Variants in PRDM15 observed in about 807,000 individuals in gnomAD.
PRDM15 encodes PR/SET domain 15.
In PRDM15, 64 loss-of-function variants were observed where a neutral mutation model predicts 128.6. The observed-to-expected ratio is 0.50, with a 90% CI of 0.41 to 0.61. PRDM15 has a LOEUF of 0.61. Among genes scored for constraint, PRDM15 ranks in the 20% least tolerant of loss-of-function variants. PRDM15 has a pLI of 0.00. For synonymous variants in PRDM15, 615 were observed against 621.8 expected (o/e 0.99, Z 0.16); for missense variants, 1,242 against 1,569.1 (o/e 0.79, Z 3.52).
chr21:41,829,843 C>A (rs976243278), intron 11 of PRDM15, among the ~76,000 whole-genome samples: 16 of 151,488 alleles, frequency 1.1e-4, no homozygotes, highest in African/African-American at 3.6e-4. Context: ...ATTCAACACA[C>A]ACCATATACA....
chr21:41,801,621 C>T lies in PRDM15; in HGVS notation c.3045G>A (p.Gln1015=). 1 of 1,614,134 alleles carries T rather than the reference C, an allele frequency of 6.2e-7. No homozygotes were observed. The highest frequency in any genetic ancestry group is 8.5e-7 in the Non-Finnish European group (1 of 1,180,030). The part of the protein sequence containing the change: ...VTPITTAAAT[Q]FTNLQPVAVG... ...CGGCCACCGGCTGGAGATTGGTAAACTGAGTCGCGGCCGCAGTGGTGATGG... is the reference window on the plus strand; with the variant it reads ...CGGCCACCGGCTGGAGATTGGTAAATTGAGTCGCGGCCGCAGTGGTGATGG... Residue 1015 remains glutamine, a synonymous_variant, in exon 24 of 24, where the codon CAG becomes CAA. Transcript: ENST00000398548.
chr21:41,814,925 C>A (rs117185789), intron 19 of PRDM15: 5,042 of 144,598 alleles, frequency 0.035, 55 homozygotes, highest in South Asian at 0.042. Flanking sequence ...AAGATCTTGG[C>A]CTTGTGTTAG....
rs1359897810 is a variant in PRDM15, at chr21:41,821,919, C to G, written c.1880G>C (p.Ser627Thr). The change falls in exon 15 of 24, where the codon AGC (serine) becomes ACC (threonine). Residue 627 changes from serine (S) to threonine (T), a missense_variant. By Grantham distance (58) the Ser-to-Thr change is moderately conservative. Coordinates refer to ENST00000398548, the MANE Select transcript of PRDM15 (RefSeq NM_001040424.3). This position sits in a 1 kb window ranked among gnomAD's most constrained non-coding sequence, Gnocchi z 5.4. ...CCGCCATACCTGGCACCGCTTGCAG[C>G]TGTACTTGTGAGGCTCCGAGTCTGC... ...ESADSEPHKY[S>T]CKRCQLTFGR... 6.2e-7 allele frequency: 1 copy of G among 1,614,050 alleles called. No individual in the cohort carries two copies. The highest frequency in any genetic ancestry group is 1.3e-5 in the African/African-American group (1 of 74,948).
chr21:41,861,534 GCCC>G, intron 1 of PRDM15: 1 of 1,475,150 alleles, frequency 6.8e-7, no homozygotes, highest in Non-Finnish European at 9.3e-7. Flanking sequence ...TTCCTCCTCT[GCCC>G]CCCCCCAATC....
chr21:41,820,940 G>T, intron 16 of PRDM15, 127 bp downstream of exon 16: 1 of 1,240,526 alleles, frequency 8.1e-7, no homozygotes, highest in Admixed American at 1.8e-5. Context: ...CCCCAGCTCT[G>T]GCCCTGAGAC....
intron 8 of PRDM15, 69 bp downstream of exon 8, chr21:41,837,865 C>T (rs987142589): frequency 6.3e-7 from 1 of 1,583,702 alleles, no homozygotes; most frequent in Non-Finnish European, 8.7e-7. Flanking sequence ...TGCCTTCCCT[C>T]CAGAATGGCC....
chr21:41,833,349 T>C (rs954635755), intron 11 of PRDM15, among the ~76,000 whole-genome samples: 1 of 152,306 alleles, frequency 6.6e-6, no homozygotes. Flanking sequence ...GGGTGTGCTA[T>C]GAGTCCTCGA....
chr21:41,844,190 C>A (rs934755085), intron 6 of PRDM15, among the ~76,000 whole-genome samples: 1 of 152,074 alleles, frequency 6.6e-6, no homozygotes, highest in Admixed American at 6.5e-5. Context: ...CTCATTAGAA[C>A]AGCAGCACTG....
chr21:41,831,371 G>A (rs2062684478), intron 11 of PRDM15, among the ~76,000 whole-genome samples: 2 of 152,330 alleles, frequency 1.3e-5, no homozygotes, highest in South Asian at 4.1e-4. Flanking sequence ...TAGGTGCCAG[G>A]AGCACCCCTC....
chr21:41,810,153 C>A lies in PRDM15; in HGVS notation c.2652+1G>T. The A allele has an allele frequency of 6.2e-7, 1 of 1,604,632 alleles. No homozygotes were observed. The highest frequency in any genetic ancestry group is 8.5e-7 in the Non-Finnish European group (1 of 1,176,634). ...CGGAGGGGGCACAGCCACCAGCTCACCTCGGGGTGCTTGCGCCGCATGTGT... is the reference window on the plus strand; with the variant it reads ...CGGAGGGGGCACAGCCACCAGCTCAACTCGGGGTGCTTGCGCCGCATGTGT... On this transcript the variant is annotated splice_donor_variant, in intron 21 of 23. Coordinates refer to ENST00000398548, the MANE Select transcript of PRDM15 (RefSeq NM_001040424.3). LOFTEE classifies it high-confidence loss of function. This position sits in a 1 kb window ranked among gnomAD's most constrained non-coding sequence, Gnocchi z 6.4.
intron 18 of PRDM15, among the ~76,000 whole-genome samples, chr21:41,818,977 G>A (rs766235225): frequency 1.3e-5 from 2 of 152,196 alleles, no homozygotes; most frequent in African/African-American, 2.4e-5. Context: ...TGAATACGCT[G>A]AGGGTTTTGC....
intron 5 of PRDM15, among the ~76,000 whole-genome samples, chr21:41,852,513 G>GTT (rs2063461402): frequency 6.6e-6 from 1 of 152,276 alleles, no homozygotes; most frequent in Non-Finnish European, 1.5e-5. Flanking sequence ...TTTTGGCAAA[G>GTT]CCACGAGGGT....
chr21:41,856,872 C>A (rs1451449657), intron 4 of PRDM15, among the ~76,000 whole-genome samples: 1 of 152,224 alleles, frequency 6.6e-6, no homozygotes, highest in Non-Finnish European at 1.5e-5. Flanking sequence ...CCTCGTAAAG[C>A]CTGCGACAGC....
At chr21:41,820,936 C>G in intron 16 of PRDM15, 131 bp downstream of exon 16, 1 of 1,214,652 alleles carries the variant, frequency 8.2e-7, no homozygotes, top group Non-Finnish European at 1.2e-6. Flanking sequence ...GCGCCCCCAG[C>G]TCTGGCCCTG....
chr21:41,827,467 A>AC (rs1325170613), intron 12 of PRDM15, among the ~76,000 whole-genome samples: 1 of 152,200 alleles, frequency 6.6e-6, no homozygotes, highest in Non-Finnish European at 1.5e-5. Context: ...CTCCTGCCTC[A>AC]GCCTCCTGAG....
intron 18 of PRDM15, 51 bp from the exon 19 acceptor site, chr21:41,815,887 T>TG: frequency 6.2e-7 from 1 of 1,602,650 alleles, no homozygotes; most frequent in Non-Finnish European, 8.5e-7. Context: ...GCAGCCCACC[T>TG]GGGGGCCCAT....
chr21:41,824,666 G>A (rs566349571), intron 13 of PRDM15, among the ~76,000 whole-genome samples: 1 of 152,178 alleles, frequency 6.6e-6, no homozygotes, highest in Non-Finnish European at 1.5e-5. Context: ...CCTCTGCCCT[G>A]TGCATAGCTG....
rs1418196191 is a variant in PRDM15 at position 41,854,067 on chromosome 21, T to G, written c.538+499A>C. The stretch of plus-strand genomic sequence containing the variant: ...GTGACAAGGTTTCAGTCAAAGACAG[T>G]GGTCCCATGAGATTCTAATACAGTA... On this transcript the variant is annotated intron_variant, in intron 5 of 23. Transcript: ENST00000398548. This position sits in a 1 kb window ranked among gnomAD's most constrained non-coding sequence, Gnocchi z 4.6. Among the ~76,000 whole-genome samples, 1 of 152,244 alleles carries G rather than the reference T, an allele frequency of 6.6e-6. No individual in the cohort carries two copies. Among genetic ancestry groups the G allele is most frequent in the Non-Finnish European group, 1.5e-5 (1 of 68,040 alleles).
At chr21:41,806,418 C>CCACCAT (rs2061635017) in intron 21 of PRDM15, among the ~76,000 whole-genome samples, 23 of 69,676 alleles carry the variant, frequency 3.3e-4, no homozygotes, top group South Asian at 1.6e-3. Flanking sequence ...ACCATCACCA[C>CCACCAT]CACCACCATC....
Sources: gnomAD v4.1 joint callset for allele counts (sites outside exome capture counted in the v4.1 genomes callset) on GRCh38, gnomAD v4.1.1 for gene constraint, Gnocchi (gnomAD v3.1) non-coding constraint, MANE v1.5 for transcripts, NCBI Gene and HGNC (gene_info 2026-07-23, HGNC 2026-07-21) for gene names.